Variants in KLHL32 observed in about 807,000 individuals in gnomAD.
KLHL32 encodes kelch-like protein 32.
Under a neutral mutation model 64.8 loss-of-function variants are expected in KLHL32, and 35 were observed. The ratio of observed to expected loss-of-function variants is 0.54; its 90% confidence interval spans 0.41 to 0.72. The LOEUF is 0.72. Ranked by LOEUF, KLHL32 falls within the 30% of genes least tolerant of loss-of-function variation. The pLI is 0.00. For missense variants in KLHL32, 589 were observed against 768.5 expected (o/e 0.77, Z 2.76); for synonymous variants, 259 against 281.0 (o/e 0.92, Z 0.78).
intron 1 of KLHL32, among the ~76,000 whole-genome samples, chr6:96,927,993 A>T (rs1769372082): frequency 6.6e-6 from 1 of 152,166 alleles, no homozygotes. Context: ...GTCCAATTGG[A>T]GCAATGAAAG....
intron 1 of KLHL32, among the ~76,000 whole-genome samples, chr6:96,942,243 G>T (rs1196704010): frequency 6.6e-6 from 1 of 152,172 alleles, no homozygotes; most frequent in Non-Finnish European, 1.5e-5. Context: ...GTCCAGACTG[G>T]TGCTGCCCCT....
intron 3 of KLHL32, among the ~76,000 whole-genome samples, chr6:96,991,334 A>G (rs547974833): frequency 3.3e-5 from 5 of 152,174 alleles, no homozygotes; most frequent in East Asian, 1.9e-4. Flanking sequence ...GGAAGAATAC[A>G]GGGTGGGAGC....
At chr6:97,135,933 T>G (rs1012586356) in intron 10 of KLHL32, among the ~76,000 whole-genome samples, 6 of 152,188 alleles carry the variant, frequency 3.9e-5, no homozygotes, top group Non-Finnish European at 5.9e-5. Flanking sequence ...GATGGGAGAC[T>G]GGAATAATAT....
At chr6:97,115,822 A>G (rs1401782805) in intron 7 of KLHL32, among the ~76,000 whole-genome samples, 3 of 152,216 alleles carry the variant, frequency 2.0e-5, no homozygotes, top group African/African-American at 7.2e-5. Flanking sequence ...AGAAAGGGTA[A>G]AAAACTTAAA....
intron 1 of KLHL32, among the ~76,000 whole-genome samples, chr6:96,958,459 C>G (rs1773509027): frequency 6.6e-6 from 1 of 152,094 alleles, no homozygotes; most frequent in Admixed American, 6.5e-5. Context: ...ATGGCAGTTA[C>G]TGGTACCCTG....
chr6:96,988,035 A>T (rs1285216217), intron 3 of KLHL32, among the ~76,000 whole-genome samples: 1 of 152,268 alleles, frequency 6.6e-6, no homozygotes, highest in Non-Finnish European at 1.5e-5. Flanking sequence ...TTCAGGACAT[A>T]GGCATGGGCA....
chr6:96,914,922 C>T, the KLHL32 span: 2 of 152,160 alleles, frequency 1.3e-5, no homozygotes, highest in South Asian at 4.2e-4. Context: ...AGCCCAGAAC[C>T]CCTGGGCTGA....
chr6:97,055,814 A>AAAAAC (rs1246372848), intron 4 of KLHL32, among the ~76,000 whole-genome samples: 7 of 149,400 alleles, frequency 4.7e-5, no homozygotes, highest in African/African-American at 7.4e-5. Context: ...AAAAAAAAAA[A>AAAAAC]AAAAAAAACC....
chr6:96,932,209 T>A (rs980149105), intron 1 of KLHL32, among the ~76,000 whole-genome samples: 15 of 151,146 alleles, frequency 9.9e-5, no homozygotes, highest in East Asian at 3.9e-4. Context: ...TGGGTTATTT[T>A]TTTTTTTTTT....
chr6:97,103,107 T>C (rs1346899481), intron 6 of KLHL32, among the ~76,000 whole-genome samples: 3 of 151,754 alleles, frequency 2.0e-5, no homozygotes, highest in Non-Finnish European at 2.9e-5. Context: ...AATAAACGTA[T>C]ATAAATGTAA....
chr6:97,125,967 A>G (rs1217866121), intron 7 of KLHL32, among the ~76,000 whole-genome samples: 2 of 152,186 alleles, frequency 1.3e-5, no homozygotes, highest in Non-Finnish European at 2.9e-5. Context: ...TATGATTACA[A>G]GTTTTCTAAA....
At chr6:97,041,682 A>G (rs1785143170) in intron 4 of KLHL32, 83 bp downstream of exon 4, 4 of 780,604 alleles carry the variant, frequency 5.1e-6, no homozygotes, top group East Asian at 2.5e-5. Flanking sequence ...TATGAGATTT[A>G]GTTATTGTTC....
At chr6:96,899,990 G>T in the KLHL32 span, among the ~76,000 whole-genome samples, 1 of 152,118 alleles carries the variant, frequency 6.6e-6, no homozygotes, top group Non-Finnish European at 1.5e-5. Context: ...TGTCTGTTTT[G>T]TTCACTGTTC....
chr6:97,100,243 C>T (rs1795532290), intron 6 of KLHL32, among the ~76,000 whole-genome samples: 1 of 152,132 alleles, frequency 6.6e-6, no homozygotes, highest in African/African-American at 2.4e-5. Flanking sequence ...GTTTTTTATA[C>T]TATGATGAAA....
intron 6 of KLHL32, among the ~76,000 whole-genome samples, chr6:97,089,992 T>A (rs990548654): frequency 6.6e-6 from 1 of 152,128 alleles, no homozygotes; most frequent in African/African-American, 2.4e-5. Flanking sequence ...AGTAATTGCA[T>A]AAACCCAAGT....
chr6:96,927,582 A>G (rs1769318348), intron 1 of KLHL32, among the ~76,000 whole-genome samples: 1 of 152,188 alleles, frequency 6.6e-6, no homozygotes, highest in Non-Finnish European at 1.5e-5. Context: ...GTGTCATTTT[A>G]TTTACATTGT....
chr6:97,076,747 C>T (rs1001737553), intron 5 of KLHL32, among the ~76,000 whole-genome samples: 2 of 152,164 alleles, frequency 1.3e-5, no homozygotes, highest in African/African-American at 4.8e-5. Flanking sequence ...CTGAAAAGTT[C>T]AGGAAATAGC....
intron 7 of KLHL32, among the ~76,000 whole-genome samples, chr6:97,123,086 T>A (rs758269839): frequency 6.6e-6 from 1 of 152,136 alleles, no homozygotes; most frequent in African/African-American, 2.4e-5. Context: ...ACTCCTGGAG[T>A]TTACTCTATT....
chr6:97,001,968 T>C (rs866857769), intron 3 of KLHL32, among the ~76,000 whole-genome samples: 4 of 152,092 alleles, frequency 2.6e-5, no homozygotes, highest in Non-Finnish European at 4.4e-5. Flanking sequence ...GAAACATAAC[T>C]AAGAGGAATA....
Sources: allele counts gnomAD v4.1 joint callset (sites outside exome capture counted in the v4.1 genomes callset), GRCh38; gene constraint gnomAD v4.1.1; transcripts MANE v1.5; gene names NCBI Gene and HGNC (gene_info 2026-07-23, HGNC 2026-07-21).